WWOX: variants seen among roughly 807,000 people sequenced by gnomAD.
WWOX encodes WW domain-containing oxidoreductase.
In WWOX, 69 loss-of-function variants were observed where a neutral mutation model predicts 46.2. That is an observed-to-expected ratio of 1.49 (90% CI 1.23 to 1.82). The LOEUF (loss-of-function observed/expected upper bound fraction) is 1.82, where lower values mean the gene tolerates loss of function less well. Among genes scored for constraint, WWOX ranks in the 40% most tolerant of loss-of-function variants. The pLI, the probability that WWOX is intolerant of heterozygous loss-of-function variation, is 0.00. For missense variants in WWOX, 919 were observed against 542.6 expected (o/e 1.69, Z -6.89); for synonymous variants, 359 against 202.6 (o/e 1.77, Z -6.56).
At chr16:78,750,042 A>G (rs1213157079) in intron 8 of WWOX, among the ~76,000 whole-genome samples, 1 of 152,224 alleles carries the variant, frequency 6.6e-6, no homozygotes, top group Non-Finnish European at 1.5e-5. Flanking sequence ...TATCAGGGAA[A>G]AATAGGAGAA....
At chr16:78,661,166 C>T (rs771683067) in intron 8 of WWOX, among the ~76,000 whole-genome samples, 1 of 152,164 alleles carries the variant, frequency 6.6e-6, no homozygotes, top group Admixed American at 6.5e-5. Context: ...AATTACTAAA[C>T]TGTCCTCTAG....
At chr16:79,006,570 T>C (rs1176294016) in intron 8 of WWOX, among the ~76,000 whole-genome samples, 1 of 152,130 alleles carries the variant, frequency 6.6e-6, no homozygotes, top group African/African-American at 2.4e-5. Flanking sequence ...TTGTTTTCAA[T>C]TGCTGCTGTA....
At chr16:78,358,875 T>TTTTTC (rs1283017342) in intron 5 of WWOX, among the ~76,000 whole-genome samples, 4 of 150,572 alleles carry the variant, frequency 2.7e-5, no homozygotes, top group Non-Finnish European at 5.9e-5. Flanking sequence ...TCTTTTTTTT[T>TTTTTC]TTTTTTTTTA....
intron 8 of WWOX, among the ~76,000 whole-genome samples, chr16:78,637,848 T>C (rs985159546): frequency 1.3e-5 from 2 of 152,172 alleles, no homozygotes; most frequent in East Asian, 3.9e-4. Flanking sequence ...GTCTCCACTT[T>C]CCAGCCTTTG....
chr16:79,132,796 G>C (rs1236624845), intron 8 of WWOX, among the ~76,000 whole-genome samples: 1 of 152,200 alleles, frequency 6.6e-6, no homozygotes, highest in Non-Finnish European at 1.5e-5. Flanking sequence ...TGATGTCAAT[G>C]ACTTTTCAAA....
intron 8 of WWOX, among the ~76,000 whole-genome samples, chr16:78,964,437 A>C (rs1314728469): frequency 6.6e-6 from 1 of 152,170 alleles, no homozygotes; most frequent in Non-Finnish European, 1.5e-5. Flanking sequence ...CCTGCGCTAG[A>C]GATTTGTGGA....
At chr16:78,621,288 C>G (rs1013011027) in intron 8 of WWOX, among the ~76,000 whole-genome samples, 6 of 152,118 alleles carry the variant, frequency 3.9e-5, no homozygotes, top group African/African-American at 1.4e-4. Context: ...TTTCCATTAA[C>G]TCACAGATCT....
intron 6 of WWOX, among the ~76,000 whole-genome samples, chr16:78,391,667 G>A (rs2082176413): frequency 6.6e-6 from 1 of 152,134 alleles, no homozygotes; most frequent in African/African-American, 2.4e-5. Context: ...GGCCAACATG[G>A]CAAAACCCCG....
At chr16:78,554,906 T>A (rs555144718) in intron 8 of WWOX, among the ~76,000 whole-genome samples, 1 of 152,274 alleles carries the variant, frequency 6.6e-6, no homozygotes, top group East Asian at 1.9e-4. Context: ...ACAAAGACTG[T>A]AAGCCTTACC....
intron 8 of WWOX, among the ~76,000 whole-genome samples, chr16:78,990,107 C>G (rs746549255): frequency 9.3e-5 from 14 of 151,224 alleles, no homozygotes; most frequent in Non-Finnish European, 1.5e-4. Context: ...TCTTTAGAGC[C>G]CAGGAAGTCT....
intron 8 of WWOX, among the ~76,000 whole-genome samples, chr16:79,011,359 C>A (rs74994373): frequency 0.014 from 2,111 of 152,042 alleles, 27 homozygotes; most frequent in Non-Finnish European, 0.023. Context: ...TGTCTCCAAT[C>A]CTGCCCCCTT....
intron 6 of WWOX, among the ~76,000 whole-genome samples, chr16:78,422,402 G>A (rs1275305400): frequency 2.0e-5 from 3 of 151,274 alleles, no homozygotes; most frequent in Non-Finnish European, 2.9e-5. Context: ...TGCCTGTAGT[G>A]GTATGATCAT....
intron 8 of WWOX, among the ~76,000 whole-genome samples, chr16:79,090,420 C>A (rs144189820): frequency 1.3e-5 from 2 of 151,906 alleles, no homozygotes; most frequent in Admixed American, 1.3e-4. Flanking sequence ...TCTGGAGGGC[C>A]CTCTATGTGC....
At chr16:79,105,341 G>C (rs897796081) in intron 8 of WWOX, among the ~76,000 whole-genome samples, 1 of 152,074 alleles carries the variant, frequency 6.6e-6, no homozygotes, top group Non-Finnish European at 1.5e-5. Flanking sequence ...AAGCAGAACG[G>C]TCATCATCTC....
intron 8 of WWOX, among the ~76,000 whole-genome samples, chr16:78,849,449 C>T (rs905089866): frequency 2.6e-5 from 4 of 151,716 alleles, no homozygotes; most frequent in Admixed American, 1.3e-4. Context: ...TGGCGGGCGC[C>T]TGTAGTCCCA....
At chr16:78,849,306 C>G (rs1032327969) in intron 8 of WWOX, among the ~76,000 whole-genome samples, 7 of 152,130 alleles carry the variant, frequency 4.6e-5, no homozygotes, top group African/African-American at 1.2e-4. Context: ...CGCGGTGGCT[C>G]ATGCCTGTAA....
At chr16:78,154,963 G>A (rs948892585) in intron 4 of WWOX, among the ~76,000 whole-genome samples, 2 of 150,874 alleles carry the variant, frequency 1.3e-5, no homozygotes, top group African/African-American at 2.4e-5. Flanking sequence ...CAGCAGCACG[G>A]GTGATGATCA....
At chr16:78,578,280 A>ATTTTTTTTTTTTTTTTTT (rs1433554555) in intron 8 of WWOX, among the ~76,000 whole-genome samples, 2 of 35,412 alleles carry the variant, frequency 5.6e-5, no homozygotes, top group African/African-American at 2.8e-4. Flanking sequence ...ATATATATAT[A>ATTTTTTTTTTTTTTTTTT]TATATTTTTT....
chr16:78,245,174 A>T (rs2037777734), intron 5 of WWOX, among the ~76,000 whole-genome samples: 1 of 152,190 alleles, frequency 6.6e-6, no homozygotes, highest in Admixed American at 6.5e-5. Context: ...CTCTCTTAAC[A>T]TTTTAAAAGC....
Sources: gnomAD v4.1 joint callset for allele counts (sites outside exome capture counted in the v4.1 genomes callset) on GRCh38, gnomAD v4.1.1 for gene constraint, MANE v1.5 for transcripts, NCBI Gene and HGNC (gene_info 2026-07-23, HGNC 2026-07-21) for gene names.